The following RIMS1 variants were observed in gnomAD, a reference collection of about 807,000 sequenced individuals.
RIMS1 encodes the protein regulating synaptic membrane exocytosis 1.
In RIMS1, 83 loss-of-function variants were observed where a neutral mutation model predicts 214.1. That is an observed-to-expected ratio of 0.39 (90% CI 0.32 to 0.47). RIMS1 has a LOEUF of 0.47. Among genes scored for constraint, RIMS1 ranks in the 20% least tolerant of loss-of-function variants. RIMS1 has a pLI of 0.99. For synonymous variants in RIMS1, 793 were observed against 786.8 expected, an observed-to-expected ratio of 1.01 and a Z score of -0.13; for missense variants, 2,050 against 2,161.8, an observed-to-expected ratio of 0.95 and a Z score of 1.03.
At chr6:71,899,371 T>G (rs139808927) in intron 1 of RIMS1, among the ~76,000 whole-genome samples, 5 of 152,132 alleles carry the variant, frequency 3.3e-5, no homozygotes, top group Admixed American at 2.0e-4. Context: ...TCCTCTTCAC[T>G]TGGAGGTTTG....
At chr6:71,992,271 C>G (rs572027060) in intron 2 of RIMS1, among the ~76,000 whole-genome samples, 1 of 152,202 alleles carries the variant, frequency 6.6e-6, no homozygotes, top group South Asian at 2.1e-4. Context: ...AGGTACTTGC[C>G]TCCACTGCAG....
intron 26 of RIMS1, among the ~76,000 whole-genome samples, chr6:72,297,958 AG>A (rs2094261156): frequency 6.6e-6 from 1 of 152,008 alleles, no homozygotes; most frequent in African/African-American, 2.4e-5. Flanking sequence ...GGTTATTGTG[AG>A]TACATCCCGG....
intron 4 of RIMS1, among the ~76,000 whole-genome samples, chr6:72,112,236 A>G (rs1209229798): frequency 6.6e-6 from 1 of 151,850 alleles, no homozygotes; most frequent in African/African-American, 2.4e-5. Context: ...TACCACCTCC[A>G]CTTTCGCCAA....
At chr6:71,895,786 G>A (rs1012918769) in intron 1 of RIMS1, among the ~76,000 whole-genome samples, 3 of 151,840 alleles carry the variant, frequency 2.0e-5, no homozygotes, top group East Asian at 3.9e-4. Flanking sequence ...GAAAAAATAG[G>A]CAGATTGTAT....
At chr6:72,261,484 A>T (rs903210670) in intron 19 of RIMS1, 1 of 964,234 alleles carries the variant, frequency 1.0e-6, no homozygotes, top group South Asian at 4.8e-5. Flanking sequence ...CTTTAATTTC[A>T]TATCCAAGTA....
chr6:72,006,828 A>G (rs761757238), intron 2 of RIMS1, among the ~76,000 whole-genome samples: 6 of 152,218 alleles, frequency 3.9e-5, no homozygotes, highest in Non-Finnish European at 7.3e-5. Flanking sequence ...GCGGCCGGGA[A>G]GCTCGAACTT....
intron 6 of RIMS1, among the ~76,000 whole-genome samples, chr6:72,232,199 G>A (rs1382541335): frequency 2.0e-5 from 3 of 151,542 alleles, no homozygotes; most frequent in Non-Finnish European, 3.0e-5. Flanking sequence ...AAATGAATCA[G>A]CATTCAGGAA....
Position 72,235,686 on chromosome 6 carries a change from A to G in RIMS1, c.1815A>G (p.Arg605=). ...RLIGRVILNK[R]TTMPKDSGAL... ...TTGGACGTGTTATTCTTAACAAGAG[A>G]ACAACCATGCCCAAAGACTCAGGTG... Residue 605 remains arginine, a synonymous_variant, in exon 8 of 34, where the codon AGA becomes AGG. Coordinates refer to ENST00000521978, the MANE Select transcript of RIMS1 (RefSeq NM_014989.7). 5 of 1,610,230 alleles carry G rather than the reference A, an allele frequency of 3.1e-6. No individual in the cohort carries two copies. The highest frequency in any genetic ancestry group is 4.2e-6 in the Non-Finnish European group (5 of 1,177,954).
At chr6:71,909,648 C>G (rs989743922) in intron 1 of RIMS1, among the ~76,000 whole-genome samples, 4 of 152,100 alleles carry the variant, frequency 2.6e-5, no homozygotes, top group African/African-American at 9.7e-5. Flanking sequence ...CTAAAATTAA[C>G]AATAATTATG....
intron 28 of RIMS1, among the ~76,000 whole-genome samples, chr6:72,320,192 G>T (rs2096070654): frequency 6.6e-6 from 1 of 152,058 alleles, no homozygotes; most frequent in South Asian, 2.1e-4. Flanking sequence ...TCAAAGTTAT[G>T]CCCATGGACT....
At position 72,179,653 on chromosome 6, in the gene RIMS1, C is replaced by A. The variant is rs779535590; in HGVS notation, c.550C>A (p.Pro184Thr). The A allele has an allele frequency of 4.3e-6, 7 of 1,613,842 alleles. No individual in the cohort carries two copies. The South Asian group carries it at 7.7e-5, about 18-fold the overall frequency. ...TGGGGCATGGTTCTTTGGAAGTGGC[C>A]CTCAGCAGACAAGTCAGGATGGAAC... ...KSGAWFFGSGPQQTSQDGTLS... is the reference protein window; with the variant it reads ...KSGAWFFGSGTQQTSQDGTLS... The change falls in exon 5 of 34, where the codon CCT becomes ACT. Residue 184 changes from proline (P) to threonine (T), a missense_variant. Physicochemically the swap from Pro to Thr is conservative, Grantham distance 38 (BLOSUM62 -1). Around this residue, in one of 6 missense-constraint regions of RIMS1, gnomAD observed 882 missense variants for 828.9 expected, o/e 1.06. Coordinates refer to ENST00000521978, the MANE Select transcript of RIMS1 (RefSeq NM_014989.7).
intron 2 of RIMS1, among the ~76,000 whole-genome samples, chr6:71,995,826 G>A (rs566893333): frequency 5.2e-4 from 79 of 151,968 alleles, no homozygotes; most frequent in Middle Eastern, 3.4e-3. Flanking sequence ...TTGCTTTGCC[G>A]CTCAGGCTGG....
At chr6:71,941,573 G>A (rs2151019545) in intron 1 of RIMS1, among the ~76,000 whole-genome samples, 1 of 152,194 alleles carries the variant, frequency 6.6e-6, no homozygotes, top group Non-Finnish European at 1.5e-5. Flanking sequence ...CATCTTCTGA[G>A]TTCTCTCATC....
chr6:72,230,843 C>T (rs992526040), intron 6 of RIMS1, among the ~76,000 whole-genome samples: 1 of 151,474 alleles, frequency 6.6e-6, no homozygotes, highest in Non-Finnish European at 1.5e-5. Flanking sequence ...AATTATAACA[C>T]TTCATTGAAC....
chr6:72,181,737 A>G (rs1039337362), intron 5 of RIMS1, among the ~76,000 whole-genome samples: 2 of 152,234 alleles, frequency 1.3e-5, no homozygotes, highest in Admixed American at 6.5e-5. Context: ...CAAGATTGAA[A>G]GAGACACTGT....
At chr6:72,331,581 A>T (rs900629800) in intron 28 of RIMS1, among the ~76,000 whole-genome samples, 2 of 151,864 alleles carry the variant, frequency 1.3e-5, no homozygotes, top group Non-Finnish European at 2.9e-5. Flanking sequence ...TGGGTGGCGT[A>T]TTAGATAATG....
At chr6:72,209,707 C>T (rs1363773504) in intron 6 of RIMS1, among the ~76,000 whole-genome samples, 1 of 152,012 alleles carries the variant, frequency 6.6e-6, no homozygotes, top group Non-Finnish European at 1.5e-5. Context: ...TGAGACCATC[C>T]TGGCTAACAC....
chr6:71,940,486 A>G (rs1785729601), intron 1 of RIMS1, among the ~76,000 whole-genome samples: 1 of 152,218 alleles, frequency 6.6e-6, no homozygotes, highest in African/African-American at 2.4e-5. Flanking sequence ...AGTGCTTTTA[A>G]AAGCACAGTA....
chr6:72,340,233 T>C (rs1225188084), intron 29 of RIMS1, among the ~76,000 whole-genome samples: 2 of 152,096 alleles, frequency 1.3e-5, no homozygotes, highest in Admixed American at 6.6e-5. Context: ...ATTCTGTAGG[T>C]TGCCTGTTCA....
Sources: gnomAD v4.1 joint callset for allele counts (sites outside exome capture counted in the v4.1 genomes callset) on GRCh38, gnomAD v4.1.1 for gene constraint, gnomAD v4.1.1 regional missense constraint, MANE v1.5 for transcripts, NCBI Gene and HGNC (gene_info 2026-07-23, HGNC 2026-07-21) for gene names.